Variants in TBL1X observed in about 807,000 individuals in gnomAD.
TBL1X encodes the protein F-box-like/WD repeat-containing protein TBL1X.
In TBL1X, 10 loss-of-function variants were observed where a neutral mutation model predicts 50.7. The observed-to-expected ratio is 0.20, with a 90% confidence interval of 0.12 to 0.33. The LOEUF (loss-of-function observed/expected upper bound fraction) is 0.33, where lower values mean the gene tolerates loss of function less well. Among genes scored for constraint, TBL1X ranks in the 10% least tolerant of loss-of-function variants. The pLI, the probability that TBL1X is intolerant of heterozygous loss-of-function variation, is 1.00. For synonymous variants in TBL1X, 190 were observed against 214.7 expected (o/e 0.88, Z 1.01); for missense variants, 340 against 504.4 (o/e 0.67, Z 3.12).
chrX:9,685,793 G>C (rs1259550022), intron 6 of TBL1X, among the ~76,000 whole-genome samples: 1 of 89,595 alleles, frequency 1.1e-5, no homozygotes, highest in East Asian at 4.0e-4. Flanking sequence ...TACAATCATA[G>C]CTCACTACAG....
chrX:9,529,951 GAGAT>G (rs1307556038), intron 2 of TBL1X, among the ~76,000 whole-genome samples: 5 of 110,321 alleles, frequency 4.5e-5, no homozygotes, highest in Non-Finnish European at 9.5e-5. Context: ...AAGAAAGAGA[GAGAT>G]AGAAAGAGAG....
chrX:9,594,734 G>C (rs1012891920), intron 2 of TBL1X, among the ~76,000 whole-genome samples: 2 of 112,224 alleles, frequency 1.8e-5, no homozygotes, highest in African/African-American at 6.5e-5. Context: ...AAGACAGGGG[G>C]CTGATAAGTG....
intron 7 of TBL1X, among the ~76,000 whole-genome samples, chrX:9,688,723 C>T (rs772729051): frequency 8.9e-6 from 1 of 112,839 alleles, no homozygotes; most frequent in South Asian, 3.6e-4. Flanking sequence ...AACCCCAGGA[C>T]ATCAGTCCCT....
At chrX:9,464,504 G>A (rs374202330), upstream of TBL1X, among the ~76,000 whole-genome samples, 89 of 111,246 alleles carry the variant, frequency 8.0e-4, 1 homozygote, top group African/African-American at 2.7e-3. Context: ...GATTTTGAGG[G>A]AGATTCACCA....
At chrX:9,641,388 T>A (rs1304493442) in intron 3 of TBL1X, among the ~76,000 whole-genome samples, 1 of 112,250 alleles carries the variant, frequency 8.9e-6, no homozygotes, top group Non-Finnish European at 1.9e-5. Flanking sequence ...TCACTTTACT[T>A]AATTGTTATT....
intron 2 of TBL1X, among the ~76,000 whole-genome samples, chrX:9,638,789 T>C (rs2082760922): frequency 8.9e-6 from 1 of 112,013 alleles, no homozygotes; most frequent in South Asian, 3.7e-4. Context: ...TGATACTTTA[T>C]GGTATTTAGC....
At chrX:9,690,234 G>A (rs772138779) in intron 7 of TBL1X, among the ~76,000 whole-genome samples, 6 of 112,277 alleles carry the variant, frequency 5.3e-5, no homozygotes, top group Non-Finnish European at 1.1e-4. Flanking sequence ...GCTGAAGTCT[G>A]TCAGAGTGCA....
At chrX:9,646,510 A>C (rs191862530) in intron 3 of TBL1X, among the ~76,000 whole-genome samples, 1 of 112,424 alleles carries the variant, frequency 8.9e-6, no homozygotes, top group Admixed American at 9.4e-5. Context: ...CCAAATGGGC[A>C]GAGTTTGCTC....
intron 5 of TBL1X, among the ~76,000 whole-genome samples, chrX:9,657,970 C>G (rs769560566): frequency 9.0e-6 from 1 of 111,530 alleles, no homozygotes; most frequent in Non-Finnish European, 1.9e-5. Flanking sequence ...GGGGAGGGAC[C>G]CAGTGGGAAG....
At chrX:9,478,203 T>A (rs764431331) in intron 1 of TBL1X, among the ~76,000 whole-genome samples, 2 of 111,326 alleles carry the variant, frequency 1.8e-5, no homozygotes, top group South Asian at 7.6e-4. Context: ...TGGGAAATAG[T>A]TAAGGAGGTG....
At chrX:9,588,607 A>AT (rs112613645) in intron 2 of TBL1X, among the ~76,000 whole-genome samples, 51,272 of 100,411 alleles carry the variant, frequency 0.51, 11,308 homozygotes, top group African/African-American at 0.76. Context: ...ATTCATTTTG[A>AT]TTTTTTTTTT....
chrX:9,701,048 G>A (rs749466471), intron 12 of TBL1X, among the ~76,000 whole-genome samples: 23 of 110,462 alleles, frequency 2.1e-4, no homozygotes, highest in Admixed American at 1.9e-4. Context: ...GATCTTAGTG[G>A]CGACGGAACA....
At chrX:9,553,656 G>A (rs1192480881) in intron 2 of TBL1X, among the ~76,000 whole-genome samples, 1 of 111,683 alleles carries the variant, frequency 9.0e-6, no homozygotes, top group Non-Finnish European at 1.9e-5. Context: ...CGACAGCCTC[G>A]TGGTGAAATT....
chrX:9,466,297 G>A (rs1202584882), intron 1 of TBL1X, among the ~76,000 whole-genome samples: 2 of 112,279 alleles, frequency 1.8e-5, no homozygotes, highest in Non-Finnish European at 3.8e-5. Flanking sequence ...AGTCGGCGCT[G>A]GCCGGATATG....
rs182357079 is a variant in TBL1X at position 9,705,436 on chromosome X, A to G, written c.1236+322A>G. On this transcript the variant is annotated intron_variant, in intron 13 of 17. Coordinates refer to ENST00000645353, the MANE Select transcript of TBL1X (RefSeq NM_005647.4). ...AAATGAATAGACGGGGCACATCTGCAGTGAATAGAAAAAAAAATCATTAAA... is the reference window on the plus strand; with the variant it reads ...AAATGAATAGACGGGGCACATCTGCGGTGAATAGAAAAAAAAATCATTAAA... 2.7e-5 allele frequency among the ~76,000 whole-genome samples: 3 copies of G among 111,043 alleles called. No individual in the cohort carries two copies. In the East Asian group the frequency reaches 8.5e-4, roughly 31 times the overall value.
rs185159748 is a variant in TBL1X at position 9,592,490 on chromosome X, G to A, written c.-130-47783G>A. ...TTTATTGTGGTAAGATATACATTAC[G>A]TAATACATTTGTAAGTGTACAATTC... On this transcript the variant is annotated intron_variant, in intron 2 of 17. Coordinates refer to ENST00000645353, the MANE Select transcript of TBL1X (RefSeq NM_005647.4). Among the ~76,000 whole-genome samples the A allele has an allele frequency of 8.1e-5, 9 of 111,712 alleles. No individual in the cohort carries two copies. The East Asian group carries it at 1.7e-3, about 21-fold the overall frequency.
At chrX:9,516,935 A>G (rs977213996) in intron 2 of TBL1X, among the ~76,000 whole-genome samples, 1 of 112,174 alleles carries the variant, frequency 8.9e-6, no homozygotes, top group African/African-American at 3.2e-5. Context: ...AAGTTAAAAA[A>G]AAAATCAGGG....
At chrX:9,585,340 T>TCCCCCCCCCCCCCCCCCC (rs397840236) in intron 2 of TBL1X, among the ~76,000 whole-genome samples, 3 of 58,130 alleles carry the variant, frequency 5.2e-5, no homozygotes, top group Non-Finnish European at 6.6e-5. Flanking sequence ...CCCCCTCCCC[T>TCCCCCCCCCCCCCCCCCC]CCCCCCCCCG....
chrX:9,671,302 C>T (rs922645043), intron 5 of TBL1X, among the ~76,000 whole-genome samples: 2 of 113,108 alleles, frequency 1.8e-5, no homozygotes, highest in African/African-American at 6.4e-5. Flanking sequence ...TGTTAATTCT[C>T]CCAGAAGAAT....
Sources: allele counts gnomAD v4.1 joint callset (sites outside exome capture counted in the v4.1 genomes callset), GRCh38; gene constraint gnomAD v4.1.1; transcripts MANE v1.5; gene names NCBI Gene and HGNC (gene_info 2026-07-23, HGNC 2026-07-21).